FRAS1: variants seen among roughly 807,000 people sequenced by gnomAD.
FRAS1 encodes the protein extracellular matrix organizing protein FRAS1.
FRAS1 carries 290 observed loss-of-function variants against 435.2 expected under a neutral mutation model. The observed-to-expected ratio is 0.67, with a 90% CI of 0.61 to 0.73. The LOEUF (loss-of-function observed/expected upper bound fraction) is 0.73. Among genes scored for constraint, FRAS1 ranks in the 30% least tolerant of loss-of-function variants. FRAS1 has a pLI of 0.00. For missense variants in FRAS1, 4,860 were observed against 5,001.5 expected (o/e 0.97, Z 0.85); for synonymous variants, 1,800 against 1,851.0 (o/e 0.97, Z 0.71).
At chr4:78,249,598 C>T (rs1219664735) in intron 4 of FRAS1, among the ~76,000 whole-genome samples, 1 of 152,114 alleles carries the variant, frequency 6.6e-6, no homozygotes, top group Non-Finnish European at 1.5e-5. Context: ...GCTGGGATTA[C>T]AAGCATGAGC....
rs950931491 is a variant in FRAS1 at position 78,172,835 on chromosome 4, T to C, written c.109-64675T>C. Among the ~76,000 whole-genome samples, 17 of 152,040 alleles carry C rather than the reference T, an allele frequency of 1.1e-4. 1 individual carries two copies. Among genetic ancestry groups the C allele is most frequent in the Admixed American group, 9.8e-4 (15 of 15,276 alleles). ...CTATTGAGAGTCTTTTGTGGAGTTC[T>C]TGATTGAAGAGCTCTTTGGGGCCCC... On this transcript the variant is annotated intron_variant, in intron 2 of 73. Coordinates refer to ENST00000512123, the MANE Select transcript of FRAS1 (RefSeq NM_025074.7).
chr4:78,508,838 T>C lies in FRAS1; in HGVS notation c.9612T>C (p.Pro3204=). The C allele has an allele frequency of 1.2e-6, 2 of 1,613,778 alleles. No individual in the cohort carries two copies. The highest frequency in any genetic ancestry group is 1.7e-6 in the Non-Finnish European group (2 of 1,179,830). The change falls in exon 63 of 74, where the codon CCT becomes CCC. Residue 3204 remains proline, a synonymous_variant. Transcript: ENST00000512123. ...TGGTCTGTGTCACCCCCTGCGACCC[T>C]CATTTCCCCAGATACGCTGTCATGA... ...YPLVCVTPCD[P]HFPRYAVMKE...
At chr4:78,369,183 AT>A (rs1173603855) in intron 22 of FRAS1, among the ~76,000 whole-genome samples, 2 of 152,200 alleles carry the variant, frequency 1.3e-5, no homozygotes. Flanking sequence ...GAGTAACTGG[AT>A]TAGGAGTCAG....
chr4:78,209,342 C>T (rs993653281), intron 2 of FRAS1, among the ~76,000 whole-genome samples: 1 of 152,110 alleles, frequency 6.6e-6, no homozygotes, highest in African/African-American at 2.4e-5. Context: ...GGGCCCCTTC[C>T]CTTCTGGCTT....
rs1732845627 is a variant in FRAS1, at chr4:78,400,616, A to C, written c.3976-118A>C. On this transcript the variant is annotated intron_variant, in intron 29 of 73. Coordinates refer to ENST00000512123, the MANE Select transcript of FRAS1 (RefSeq NM_025074.7). ...CTATAGAGTGACTCTGAAGCTGTGA[A>C]TCTCTCTGTCTTATTAGACGATCTT... The C allele has an allele frequency of 3.3e-6, 3 of 911,366 alleles. No homozygotes were observed. The African/African-American group carries it at 5.1e-5, about 15-fold the overall frequency. 56.5% of individuals were successfully genotyped at this position (911,366 alleles called of 1,614,324 possible).
intron 20 of FRAS1, among the ~76,000 whole-genome samples, chr4:78,359,668 C>T (rs890997496): frequency 6.6e-6 from 1 of 152,024 alleles, no homozygotes; most frequent in Non-Finnish European, 1.5e-5. Context: ...CTTTTTAAAC[C>T]GTAGAATGAA....
At chr4:78,422,698 A>G (rs938638602) in intron 34 of FRAS1, among the ~76,000 whole-genome samples, 5 of 152,192 alleles carry the variant, frequency 3.3e-5, no homozygotes, top group Non-Finnish European at 7.3e-5. Flanking sequence ...TTGGGTTGTT[A>G]TCCCAACATC....
chr4:78,538,869 G>A (rs1336513655), intron 72 of FRAS1, among the ~76,000 whole-genome samples: 1 of 151,344 alleles, frequency 6.6e-6, no homozygotes, highest in Non-Finnish European at 1.5e-5. Context: ...GCAGGAGAAT[G>A]GCATGAACCC....
At position 78,432,563 on chromosome 4, in the gene FRAS1, A is replaced by G. The variant is rs748144825; in HGVS notation, c.5176A>G (p.Lys1726Glu). ...GSSLSITVASKSTAIITRSHL... is the reference protein window; with the variant it reads ...GSSLSITVASESTAIITRSHL... ...CTCTCTGAGCATTACTGTTGCCAGTAAAAGCACAGCCATAATCACTAGGTC... is the reference window on the plus strand; with the variant it reads ...CTCTCTGAGCATTACTGTTGCCAGTGAAAGCACAGCCATAATCACTAGGTC... Residue 1726 changes from lysine (K) to glutamate (E), a missense_variant, in exon 38 of 74, where the codon AAA (lysine) becomes GAA (glutamate). Lys to Glu is a moderately conservative substitution (Grantham distance 56). Coordinates refer to ENST00000512123, the MANE Select transcript of FRAS1 (RefSeq NM_025074.7). The G allele has an allele frequency of 1.2e-5, 20 of 1,610,292 alleles. No individual in the cohort carries two copies. The African/African-American group carries it at 2.4e-4, about 19-fold the overall frequency.
chr4:78,308,565 C>T (rs796864929), intron 15 of FRAS1, among the ~76,000 whole-genome samples: 3 of 152,328 alleles, frequency 2.0e-5, no homozygotes, highest in African/African-American at 7.2e-5. Context: ...ACCAGACTGC[C>T]TTCCAAATGT....
chr4:78,394,533 TTC>T, intron 29 of FRAS1, among the ~76,000 whole-genome samples: 1 of 146,086 alleles, frequency 6.8e-6, no homozygotes, highest in East Asian at 2.0e-4. Context: ...GTTTATTTAT[TTC>T]TGGGCTCCTT....
chr4:78,329,408 C>T (rs186727432), intron 18 of FRAS1, among the ~76,000 whole-genome samples: 19 of 152,282 alleles, frequency 1.2e-4, no homozygotes, highest in African/African-American at 4.3e-4. Flanking sequence ...GATTTGTTTT[C>T]ACTTTAATCG....
At chr4:78,243,937 C>T (rs1725120112) in intron 3 of FRAS1, among the ~76,000 whole-genome samples, 1 of 151,988 alleles carries the variant, frequency 6.6e-6, no homozygotes. Flanking sequence ...TGTAGTTTCT[C>T]TAATTGTTTT....
chr4:78,325,423 A>G (rs1729679176), intron 18 of FRAS1, among the ~76,000 whole-genome samples: 1 of 152,230 alleles, frequency 6.6e-6, no homozygotes, highest in African/African-American at 2.4e-5. Flanking sequence ...GTGGGCAGGA[A>G]TCTGCCTGTA....
At chr4:78,093,389 A>G (rs1352797474) in intron 2 of FRAS1, among the ~76,000 whole-genome samples, 1 of 152,218 alleles carries the variant, frequency 6.6e-6, no homozygotes, top group Non-Finnish European at 1.5e-5. Flanking sequence ...GTGAATCTCT[A>G]TTTTTACAGC....
intron 2 of FRAS1, among the ~76,000 whole-genome samples, chr4:78,192,681 T>C (rs1320246882): frequency 6.6e-6 from 1 of 152,216 alleles, no homozygotes; most frequent in Non-Finnish European, 1.5e-5. Context: ...TTATTAGTCT[T>C]GCTAGTGGTC....
chr4:78,474,532 T>A lies in FRAS1; in HGVS notation c.7683-906T>A, dbSNP rs751793661. ...GAAAATTAGAATCAACTTTTACATATGTAATGTTTTGCTGTTATTTACCTC... is the reference window on the plus strand; with the variant it reads ...GAAAATTAGAATCAACTTTTACATAAGTAATGTTTTGCTGTTATTTACCTC... On this transcript the variant is annotated intron_variant, in intron 53 of 73. Coordinates refer to ENST00000512123, the MANE Select transcript of FRAS1 (RefSeq NM_025074.7). Among the ~76,000 whole-genome samples, 10 of 152,366 alleles carry A rather than the reference T, an allele frequency of 6.6e-5. 1 individual carries two copies. Among genetic ancestry groups the A allele is most frequent in the East Asian group, 3.9e-4 (2 of 5,190 alleles).
Position 78,278,005 on chromosome 4 carries a change from G to T in FRAS1, c.982-650G>T, listed in dbSNP as rs1031325026. Among the ~76,000 whole-genome samples, 14 of 152,070 alleles carry T rather than the reference G, an allele frequency of 9.2e-5. 1 individual carries two copies. The highest frequency in any genetic ancestry group is 6.2e-4 in the South Asian group (3 of 4,818). On this transcript the variant is annotated intron_variant, in intron 9 of 73. Transcript: ENST00000512123. ...TTTTTGTATTTTTAGTAGAGACAGG[G>T]TTTCACTGTGGTCTCGATCTCCTGA... is the stretch of plus-strand genomic sequence containing the variant.
chr4:78,239,719 G>C (rs765496021), intron 3 of FRAS1, among the ~76,000 whole-genome samples: 1 of 152,142 alleles, frequency 6.6e-6, no homozygotes, highest in Non-Finnish European at 1.5e-5. Flanking sequence ...ATATCTGAGA[G>C]AACAATTTCA....
Sources: allele counts gnomAD v4.1 joint callset (sites outside exome capture counted in the v4.1 genomes callset), GRCh38; gene constraint gnomAD v4.1.1; transcripts MANE v1.5; gene names NCBI Gene and HGNC (gene_info 2026-07-23, HGNC 2026-07-21).